The following PPP1R14C variants were observed in gnomAD, a reference collection of about 807,000 sequenced individuals.
The protein encoded by PPP1R14C is protein phosphatase 1 regulatory subunit 14C.
Under a neutral mutation model 20.4 loss-of-function variants are expected in PPP1R14C, and 16 were observed. That is an observed-to-expected ratio of 0.78 (90% CI 0.53 to 1.19). The LOEUF (loss-of-function observed/expected upper bound fraction) is 1.19, where lower values mean the gene tolerates loss of function less well. PPP1R14C is among the 50% of genes most tolerant of loss of function. PPP1R14C has a pLI of 0.00. For missense variants in PPP1R14C, 211 were observed against 220.1 expected (o/e 0.96, Z 0.26); for synonymous variants, 91 against 91.0 (o/e 1.00, Z 0.00).
intron 1 of PPP1R14C, among the ~76,000 whole-genome samples, chr6:150,145,437 C>G (rs1294436821): frequency 1.3e-5 from 2 of 152,184 alleles, no homozygotes. Flanking sequence ...TTTGTTCAGT[C>G]ATTGTAGGCT....
chr6:150,221,686 A>G (rs1415537839), intron 3 of PPP1R14C, among the ~76,000 whole-genome samples: 1 of 152,236 alleles, frequency 6.6e-6, no homozygotes, highest in East Asian at 1.9e-4. Flanking sequence ...ACTTCAAGCA[A>G]TGTTCTCAAC....
At chr6:150,221,898 A>G (rs948906018) in intron 3 of PPP1R14C, among the ~76,000 whole-genome samples, 8 of 152,310 alleles carry the variant, frequency 5.3e-5, no homozygotes, top group African/African-American at 1.4e-4. Flanking sequence ...TCCTGGGCTC[A>G]AGCGATCCTC....
At chr6:150,226,086 A>G (rs368928020) in intron 3 of PPP1R14C, among the ~76,000 whole-genome samples, 229 of 149,038 alleles carry the variant, frequency 1.5e-3, no homozygotes, top group African/African-American at 5.3e-3. Flanking sequence ...ATTTTGATTC[A>G]TATTCATTCC....
At chr6:150,237,891 GT>G (rs11389293) in intron 3 of PPP1R14C, among the ~76,000 whole-genome samples, 1 of 151,748 alleles carries the variant, frequency 6.6e-6, no homozygotes, top group Non-Finnish European at 1.5e-5. Flanking sequence ...AGCCCATTAG[GT>G]TTTTTTTAGG....
At chr6:150,199,975 G>A (rs1777856482) in intron 1 of PPP1R14C, among the ~76,000 whole-genome samples, 1 of 152,100 alleles carries the variant, frequency 6.6e-6, no homozygotes, top group African/African-American at 2.4e-5. Flanking sequence ...GATTTTCCAA[G>A]TGGGGAATAA....
intron 1 of PPP1R14C, 64 bp from the exon 2 acceptor site, chr6:150,214,680 T>C (rs1778068189): frequency 8.4e-7 from 1 of 1,195,800 alleles, no homozygotes; most frequent in African/African-American, 1.5e-5. Context: ...TTAACCTAAC[T>C]GGTGGGGTAC....
intron 1 of PPP1R14C, among the ~76,000 whole-genome samples, chr6:150,145,965 G>GT (rs1326580882): frequency 6.6e-6 from 1 of 152,192 alleles, no homozygotes; most frequent in Non-Finnish European, 1.5e-5. Context: ...AGTGTAAAGT[G>GT]ATGTATTTAG....
intron 1 of PPP1R14C, among the ~76,000 whole-genome samples, chr6:150,146,983 T>C (rs887070355): frequency 6.6e-6 from 1 of 152,252 alleles, no homozygotes; most frequent in African/African-American, 2.4e-5. Flanking sequence ...AAATGATTTG[T>C]TATGTGCTTA....
intron 1 of PPP1R14C, among the ~76,000 whole-genome samples, chr6:150,174,015 T>TCCCCCC (rs571196400): frequency 5.8e-4 from 54 of 92,700 alleles, no homozygotes; most frequent in East Asian, 1.3e-3. Context: ...CACCTCTCCC[T>TCCCCCC]CCCCCCCACC....
intron 1 of PPP1R14C, among the ~76,000 whole-genome samples, chr6:150,174,341 T>G (rs1777533681): frequency 6.6e-6 from 1 of 152,052 alleles, no homozygotes; most frequent in Non-Finnish European, 1.5e-5. Context: ...TGCCTCAGCC[T>G]CCTGAGTAGC....
chr6:150,173,356 T>C (rs555652292), intron 1 of PPP1R14C, among the ~76,000 whole-genome samples: 4 of 152,000 alleles, frequency 2.6e-5, no homozygotes, highest in Admixed American at 6.6e-5. Context: ...TCCATCCCTA[T>C]GGTGAGTGCC....
chr6:150,229,895 A>C (rs961322283), intron 3 of PPP1R14C, among the ~76,000 whole-genome samples: 1 of 152,184 alleles, frequency 6.6e-6, no homozygotes, highest in Non-Finnish European at 1.5e-5. Flanking sequence ...AGAAGGGGGA[A>C]ATTAAATGTG....
intron 1 of PPP1R14C, among the ~76,000 whole-genome samples, chr6:150,154,723 A>G (rs1047928684): frequency 6.6e-6 from 1 of 152,218 alleles, no homozygotes; most frequent in African/African-American, 2.4e-5. Flanking sequence ...TCCATCCTGC[A>G]CTGGGCATGA....
At chr6:150,167,845 G>T (rs1173630582) in intron 1 of PPP1R14C, among the ~76,000 whole-genome samples, 4 of 119,806 alleles carry the variant, frequency 3.3e-5, no homozygotes, top group Non-Finnish European at 6.9e-5. Context: ...AAAAAGAGTT[G>T]AATACTAGTT....
At chr6:150,212,525 A>G (rs1257436810) in intron 1 of PPP1R14C, among the ~76,000 whole-genome samples, 1 of 152,224 alleles carries the variant, frequency 6.6e-6, no homozygotes, top group Non-Finnish European at 1.5e-5. Flanking sequence ...TTATATTTGC[A>G]GAAAAACCCA....
At chr6:150,165,545 A>C (rs1252187497) in intron 1 of PPP1R14C, among the ~76,000 whole-genome samples, 7 of 152,278 alleles carry the variant, frequency 4.6e-5, no homozygotes, top group Non-Finnish European at 1.0e-4. Flanking sequence ...TTATGGGCCT[A>C]CTATGTGGCA....
chr6:150,155,144 A>G (rs1777292253), intron 1 of PPP1R14C, among the ~76,000 whole-genome samples: 1 of 152,226 alleles, frequency 6.6e-6, no homozygotes, highest in Non-Finnish European at 1.5e-5. Flanking sequence ...AAATTTAACA[A>G]GGTGAAATGT....
rs570129626 is a variant in PPP1R14C at position 150,168,542 on chromosome 6, A to G, written c.306+25044A>G. ...AGCGAGACTCCCGTCTCAACAAAAC[A>G]AAACAAAACAAAACAAAACAAAAAA... On this transcript the variant is annotated intron_variant, in intron 1 of 3. Coordinates refer to ENST00000361131, the MANE Select transcript of PPP1R14C (RefSeq NM_030949.3). 3.4e-5 allele frequency among the ~76,000 whole-genome samples: 5 copies of G among 148,916 alleles called. No homozygotes were observed. The Admixed American group carries it at 3.4e-4, about 10-fold the overall frequency.
intron 1 of PPP1R14C, among the ~76,000 whole-genome samples, chr6:150,207,669 T>C (rs1021681577): frequency 6.6e-6 from 1 of 152,264 alleles, no homozygotes; most frequent in African/African-American, 2.4e-5. Flanking sequence ...TGTCTTAAAA[T>C]GTCTATGGTT....
Sources: gnomAD v4.1 joint callset for allele counts (sites outside exome capture counted in the v4.1 genomes callset) on GRCh38, gnomAD v4.1.1 for gene constraint, MANE v1.5 for transcripts, NCBI Gene and HGNC (gene_info 2026-07-23, HGNC 2026-07-21) for gene names.